Variants in GSDME observed in about 807,000 individuals in gnomAD.
GSDME encodes gasdermin E, also known as gasdermin-E.
Under a neutral mutation model 47.5 loss-of-function variants are expected in GSDME, and 44 were observed. That is an observed-to-expected ratio of 0.93 (90% CI 0.73 to 1.19). GSDME has a LOEUF of 1.19. Among genes scored for constraint, GSDME ranks in the 50% most tolerant of loss-of-function variants. The pLI is 0.00. For synonymous variants in GSDME, 258 were observed against 252.8 expected (o/e 1.02, Z -0.20); for missense variants, 663 against 604.2 (o/e 1.10, Z -1.02).
chr7:24,775,950 T>C, the GSDME span, among the ~76,000 whole-genome samples: 1 of 131,926 alleles, frequency 7.6e-6, no homozygotes, highest in African/African-American at 2.9e-5. Context: ...GAGGCTGAGG[T>C]GGGCTGATTG....
intron 7 of GSDME, 22 bp downstream of exon 7, chr7:24,708,105 C>T: frequency 6.2e-7 from 1 of 1,614,032 alleles, no homozygotes; most frequent in Middle Eastern, 1.6e-4. Context: ...AAAACACTGC[C>T]TTGAGATGTC....
At chr7:24,711,220 T>G (rs1178922277) in intron 5 of GSDME, among the ~76,000 whole-genome samples, 7 of 152,090 alleles carry the variant, frequency 4.6e-5, no homozygotes, top group African/African-American at 1.2e-4. Flanking sequence ...AAAAGGTTTG[T>G]TTTTGGTTGT....
In GSDME at chr7:24,705,125, A is replaced by G. The variant is rs1249108169; in HGVS notation, c.1183+1059T>C. ...GAAATGCTGCAATAAGTAATGGGGT[A>G]TATGAAGAAAAGACCTCTCACAAGT... On this transcript the variant is annotated intron_variant, in intron 8 of 9. Coordinates refer to ENST00000645220, the MANE Select transcript of GSDME (RefSeq NM_001127453.2). The surrounding 1 kb of genome is among the most constrained non-coding windows in gnomAD (Gnocchi z 4.1). 6.6e-6 allele frequency: 1 copy of G among 152,210 alleles called. No individual in the cohort carries two copies. The highest frequency in any genetic ancestry group is 1.5e-5 in the Non-Finnish European group (1 of 68,038). The allele number at this position is 152,210 out of a possible 1,614,324, so 9.4% of individuals were successfully genotyped here. A position where few individuals can be genotyped will look rare whatever the true frequency, so the allele number is the denominator to read the frequency against.
rs3038356 is a variant in GSDME, at chr7:24,744,923, CGTGTGTGTGTGTGT to C, written c.212-183_212-170del. Among the ~76,000 whole-genome samples, 3,889 of 140,202 alleles carry C rather than the reference CGTGTGTGTGTGTGT, an allele frequency of 0.028. 186 individuals are homozygous for C. The highest frequency in any genetic ancestry group is 0.099 in the African/African-American group (3,685 of 37,160). The allele number at this position is 140,202 out of a possible 152,430, so 92.0% of individuals were successfully genotyped here. Reference sequence around the variant, plus strand: ...GTGTGGGCAAGAAAACAGGGCAGCACGTGTGTGTGTGTGTGTGTGTGTGTGTGTGGACCGCGGGC... The same window carrying C: ...GTGTGGGCAAGAAAACAGGGCAGCACGTGTGTGTGTGTGTGGACCGCGGGC... On this transcript the variant is annotated intron_variant, in intron 2 of 9. Transcript: ENST00000645220. The surrounding 1 kb of genome is among the most constrained non-coding windows in gnomAD (Gnocchi z 4.5).
chr7:24,715,066 G>A (rs1001719348), intron 5 of GSDME, among the ~76,000 whole-genome samples: 2 of 152,210 alleles, frequency 1.3e-5, no homozygotes, highest in African/African-American at 4.8e-5. Context: ...TGCCAACCTC[G>A]ATGAACCCAG....
intron 9 of GSDME, among the ~76,000 whole-genome samples, chr7:24,699,948 T>C (rs1788796078): frequency 6.6e-6 from 1 of 152,210 alleles, no homozygotes; most frequent in Admixed American, 6.5e-5. Flanking sequence ...TTAATTATCC[T>C]TCCTGCCTCA....
At chr7:24,750,577 T>C (rs1249794238) in intron 1 of GSDME, among the ~76,000 whole-genome samples, 2 of 152,218 alleles carry the variant, frequency 1.3e-5, no homozygotes, top group Non-Finnish European at 2.9e-5. Flanking sequence ...CACGTCACCA[T>C]ACTCCAGTCT....
chr7:24,786,062 T>C, the GSDME span, among the ~76,000 whole-genome samples: 2 of 152,234 alleles, frequency 1.3e-5, no homozygotes, highest in Non-Finnish European at 2.9e-5. The surrounding 1 kb of genome is among the most constrained non-coding windows in gnomAD (Gnocchi z 5.5). Context: ...CGAATAGTTG[T>C]TGATTGACTG....
intron 1 of GSDME, 40 bp from the exon 2 acceptor site, chr7:24,749,833 A>G: frequency 7.1e-7 from 1 of 1,411,634 alleles, no homozygotes; most frequent in Non-Finnish European, 1.0e-6. Context: ...ATAAGAAGTT[A>G]CTATTTTGTG....
chr7:24,745,757 G>C lies in GSDME; in HGVS notation c.212-1003C>G, dbSNP rs114357851. On this transcript the variant is annotated intron_variant, in intron 2 of 9. Coordinates refer to ENST00000645220, the MANE Select transcript of GSDME (RefSeq NM_001127453.2). This position sits in a 1 kb window ranked among gnomAD's most constrained non-coding sequence, Gnocchi z 4.4. ...AGAGGCTGAGGTGAGAGGATCACCT[G>C]AACCCAGGAGTATAAGGTTACAAGT... Among the ~76,000 whole-genome samples the C allele has an allele frequency of 7.9e-3, 1,197 of 152,230 alleles. 12 individuals carry two copies. The highest frequency in any genetic ancestry group is 0.027 in the African/African-American group (1,129 of 41,542).
chr7:24,760,968 T>C (rs1204221040), upstream of GSDME, among the ~76,000 whole-genome samples: 4 of 152,220 alleles, frequency 2.6e-5, no homozygotes, highest in Admixed American at 1.3e-4. This position sits in a 1 kb window ranked among gnomAD's most constrained non-coding sequence, Gnocchi z 4.2. Flanking sequence ...TCAACCAATA[T>C]TGTCAAAATC....
chr7:24,776,844 T>C, the GSDME span, among the ~76,000 whole-genome samples: 1 of 151,230 alleles, frequency 6.6e-6, no homozygotes, highest in African/African-American at 2.4e-5. Context: ...AATTCATTTA[T>C]ATGTGTGTAT....
At chr7:24,713,018 C>CA (rs34346794) in intron 5 of GSDME, among the ~76,000 whole-genome samples, 27,402 of 108,082 alleles carry the variant, frequency 0.25, 2,952 homozygotes, top group East Asian at 0.52. Flanking sequence ...AACTCAGTCT[C>CA]AAAAAAAAAA....
the GSDME span, among the ~76,000 whole-genome samples, chr7:24,779,673 G>A: frequency 5.3e-5 from 8 of 152,158 alleles, no homozygotes; most frequent in Non-Finnish European, 1.2e-4. This position sits in a 1 kb window ranked among gnomAD's most constrained non-coding sequence, Gnocchi z 6.0. Context: ...GTTCTGGGGC[G>A]AGTGGATTCG....
At chr7:24,717,549 G>T (rs564993991) in intron 4 of GSDME, among the ~76,000 whole-genome samples, 175 bp from the exon 5 acceptor site, 17 of 152,264 alleles carry the variant, frequency 1.1e-4, no homozygotes, top group Non-Finnish European at 2.1e-4. Flanking sequence ...ATCCTTGTTG[G>T]CATCAGTACA....
At chr7:24,776,748 C>A in the GSDME span, among the ~76,000 whole-genome samples, 1 of 152,196 alleles carries the variant, frequency 6.6e-6, no homozygotes, top group South Asian at 2.1e-4. Flanking sequence ...TCTTAGGTCA[C>A]TATTCCCACT....
At chr7:24,770,453 C>T in the GSDME span, among the ~76,000 whole-genome samples, 2 of 152,134 alleles carry the variant, frequency 1.3e-5, no homozygotes, top group African/African-American at 2.4e-5. The surrounding 1 kb of genome is among the most constrained non-coding windows in gnomAD (Gnocchi z 4.6). Context: ...AGGAGAAAGT[C>T]GTGAGAATCG....
In GSDME at chr7:24,739,030, T is replaced by TA. The variant is rs1422552525; in HGVS notation, c.404+5531dup. ...CTAAGACCTCAAACTATGAAACTAC[T>TA]ATAAGAAAACACGAGGGAAACTCTC... On this transcript the variant is annotated intron_variant, in intron 3 of 9. Transcript: ENST00000645220. This position sits in a 1 kb window ranked among gnomAD's most constrained non-coding sequence, Gnocchi z 5.1. 1.3e-5 allele frequency among the ~76,000 whole-genome samples: 2 copies of TA among 152,124 alleles called. No homozygotes were observed. Among genetic ancestry groups the TA allele is most frequent in the Non-Finnish European group, 1.5e-5 (1 of 68,024 alleles).
chr7:24,723,075 T>A (rs1789848555), intron 3 of GSDME, among the ~76,000 whole-genome samples: 1 of 152,180 alleles, frequency 6.6e-6, no homozygotes. Context: ...ATCATCCACC[T>A]AGCAGCAAAC....
Sources: gnomAD v4.1 joint callset for allele counts (sites outside exome capture counted in the v4.1 genomes callset) on GRCh38, gnomAD v4.1.1 for gene constraint, Gnocchi (gnomAD v3.1) non-coding constraint, MANE v1.5 for transcripts, NCBI Gene and HGNC (gene_info 2026-07-23, HGNC 2026-07-21) for gene names.